Variants in NRXN3 observed in about 807,000 individuals in gnomAD.
The protein encoded by NRXN3 is neurexin 3, also known as neurexin III.
In NRXN3, 32 loss-of-function variants were observed where a neutral mutation model predicts 137.6. The observed-to-expected ratio is 0.23, with a 90% CI of 0.18 to 0.31. The LOEUF (loss-of-function observed/expected upper bound fraction) is 0.31. Among genes scored for constraint, NRXN3 ranks in the 10% least tolerant of loss-of-function variants. The pLI is 1.00. For missense variants in NRXN3, 1,574 were observed against 2,062.5 expected, an observed-to-expected ratio of 0.76 and a Z score of 4.59; for synonymous variants, 798 against 784.5, an observed-to-expected ratio of 1.02 and a Z score of -0.29.
chr14:78,436,140 A>G (rs2094057935), intron 4 of NRXN3, among the ~76,000 whole-genome samples: 1 of 152,188 alleles, frequency 6.6e-6, no homozygotes, highest in African/African-American at 2.4e-5. Flanking sequence ...GAGGCAGTGT[A>G]GGAATCTGTC....
At chr14:79,251,756 T>C (rs1465939049) in intron 15 of NRXN3, among the ~76,000 whole-genome samples, 1 of 152,060 alleles carries the variant, frequency 6.6e-6, no homozygotes, top group Non-Finnish European at 1.5e-5. Flanking sequence ...AATGAGAAAT[T>C]GTCAGGTTCA....
intron 6 of NRXN3, among the ~76,000 whole-genome samples, chr14:78,659,942 G>A (rs2097822940): frequency 6.6e-6 from 1 of 152,056 alleles, no homozygotes; most frequent in Non-Finnish European, 1.5e-5. Context: ...TTTATAGGTG[G>A]ACTCCTAATG....
rs1244340908 is a variant in NRXN3 at position 79,184,267 on chromosome 14, T to A, written c.3262+196126T>A. 2.6e-5 allele frequency among the ~76,000 whole-genome samples: 4 copies of A among 152,326 alleles called. No homozygotes were observed. In the East Asian group the frequency reaches 7.7e-4, roughly 29 times the overall value. ...TTTTGGGCAACTGTTCAGTAATTTT[T>A]AATTTTGTAATAAAAAAGACAAGGA... On this transcript the variant is annotated intron_variant, in intron 15 of 20. Coordinates refer to ENST00000335750, the MANE Select transcript of NRXN3 (RefSeq NM_001330195.2).
At chr14:78,201,678 G>A (rs905742365) in intron 1 of NRXN3, among the ~76,000 whole-genome samples, 3 of 152,130 alleles carry the variant, frequency 2.0e-5, no homozygotes, top group Non-Finnish European at 2.9e-5. Flanking sequence ...AAGTCAACCC[G>A]TTGCATATGT....
intron 15 of NRXN3, among the ~76,000 whole-genome samples, chr14:79,345,569 T>A (rs1314678226): frequency 6.6e-6 from 1 of 152,088 alleles, no homozygotes; most frequent in Non-Finnish European, 1.5e-5. Context: ...TGAAATAGAA[T>A]CCCCAGTGTT....
At chr14:79,160,670 G>GA (rs1193676955) in intron 15 of NRXN3, among the ~76,000 whole-genome samples, 40 of 148,824 alleles carry the variant, frequency 2.7e-4, no homozygotes, top group South Asian at 4.3e-4. Context: ...TAATCTCAAG[G>GA]AAAAAAAAAC....
In NRXN3 at chr14:79,692,271, C is replaced by T. The variant is rs2098719487; in HGVS notation, c.3706+9C>T. ...GTGGCTGCAGGAAAAAGGTAACCGT[C>T]ATTAAAACTTTCATTTTAAAATCAT... On this transcript the variant is annotated intron_variant, in intron 18 of 20. Coordinates refer to ENST00000335750, the MANE Select transcript of NRXN3 (RefSeq NM_001330195.2). 2 of 1,583,444 alleles carry T rather than the reference C, an allele frequency of 1.3e-6. No homozygotes were observed. Among genetic ancestry groups the T allele is most frequent in the Admixed American group, 3.5e-5 (2 of 57,014 alleles).
At position 79,355,259 on chromosome 14, in the gene NRXN3, C is replaced by CT. The variant is rs1212012363; in HGVS notation, c.3263-111962_3263-111961insT. On this transcript the variant is annotated intron_variant, in intron 15 of 20. Transcript: ENST00000335750. ...TTCCTGGGCTTTTCTGTCCCCCACC[C>CT]CCTTCCTTCCCTCCTTCCTCTGTCC... Among the ~76,000 whole-genome samples, 65 of 151,084 alleles carry CT rather than the reference C, an allele frequency of 4.3e-4. 2 individuals carry two copies. The highest frequency in any genetic ancestry group is 1.5e-3 in the African/African-American group (62 of 40,642).
At chr14:78,435,492 A>G (rs2094032260) in intron 4 of NRXN3, among the ~76,000 whole-genome samples, 1 of 152,194 alleles carries the variant, frequency 6.6e-6, no homozygotes, top group South Asian at 2.1e-4. Context: ...ACTCACATTA[A>G]AGACCTTTTT....
At chr14:78,582,946 G>T (rs1027124348) in intron 4 of NRXN3, among the ~76,000 whole-genome samples, 1 of 152,054 alleles carries the variant, frequency 6.6e-6, no homozygotes, top group Non-Finnish European at 1.5e-5. Context: ...ATTCCCAGGC[G>T]TACACAGGTG....
intron 1 of NRXN3, among the ~76,000 whole-genome samples, chr14:78,182,837 G>A (rs1289736447): frequency 6.6e-6 from 1 of 151,638 alleles, no homozygotes; most frequent in African/African-American, 2.4e-5. Flanking sequence ...CCCTTTTTTT[G>A]CAGGTGAGAA....
At chr14:79,128,399 T>G (rs1377059700) in intron 15 of NRXN3, among the ~76,000 whole-genome samples, 2 of 149,256 alleles carry the variant, frequency 1.3e-5, no homozygotes, top group African/African-American at 5.0e-5. Flanking sequence ...GTTGTTGAAT[T>G]TTGTCAAAGG....
chr14:79,068,241 A>G (rs758101098), intron 15 of NRXN3, among the ~76,000 whole-genome samples: 14 of 152,044 alleles, frequency 9.2e-5, no homozygotes, highest in Non-Finnish European at 1.8e-4. Flanking sequence ...ATCACATAGG[A>G]AGTGGTTTAT....
chr14:79,666,589 G>T (rs17836264), intron 17 of NRXN3, among the ~76,000 whole-genome samples: 14,018 of 152,086 alleles, frequency 0.092, 795 homozygotes, highest in Middle Eastern at 0.23. Flanking sequence ...CCTAGGACAA[G>T]ATTTTTCTGT....
chr14:78,402,894 A>C (rs538750007), intron 4 of NRXN3, among the ~76,000 whole-genome samples: 18 of 152,322 alleles, frequency 1.2e-4, no homozygotes, highest in African/African-American at 3.1e-4. Flanking sequence ...TATTAACACT[A>C]TTAAGGAGTA....
intron 15 of NRXN3, among the ~76,000 whole-genome samples, chr14:79,176,626 C>T (rs1022009492): frequency 3.3e-5 from 5 of 152,220 alleles, no homozygotes; most frequent in African/African-American, 7.2e-5. Flanking sequence ...TGCAAATGTA[C>T]TTATGCTACT....
intron 15 of NRXN3, among the ~76,000 whole-genome samples, chr14:79,233,915 A>G (rs1031261142): frequency 2.0e-5 from 3 of 152,010 alleles, no homozygotes; most frequent in Non-Finnish European, 4.4e-5. Flanking sequence ...ACTGGTTACT[A>G]TTTGACTTAA....
intron 10 of NRXN3, among the ~76,000 whole-genome samples, chr14:78,878,097 G>A (rs2099118082): frequency 1.3e-5 from 2 of 152,144 alleles, no homozygotes; most frequent in South Asian, 4.1e-4. Context: ...CTGAGAGTAG[G>A]TCATGCAAAT....
intron 15 of NRXN3, among the ~76,000 whole-genome samples, chr14:79,226,138 A>G (rs7145670): frequency 0.028 from 4,194 of 152,186 alleles, 140 homozygotes; most frequent in South Asian, 0.085. Context: ...CCTTCCACAC[A>G]TTAACTGCAG....
Sources: gnomAD v4.1 joint callset for allele counts (sites outside exome capture counted in the v4.1 genomes callset) on GRCh38, gnomAD v4.1.1 for gene constraint, MANE v1.5 for transcripts, NCBI Gene and HGNC (gene_info 2026-07-23, HGNC 2026-07-21) for gene names.